WDR5: variants seen among roughly 807,000 people sequenced by gnomAD.
The protein encoded by WDR5 is WD repeat domain 5, also known as WD repeat-containing protein 5.
For missense variants in WDR5, 187 were observed against 416.9 expected, an observed-to-expected ratio of 0.45 and a Z score of 4.80; for synonymous variants, 144 against 161.6, an observed-to-expected ratio of 0.89 and a Z score of 0.83.
At chr9:134,141,388 C>T in intron 3 of WDR5, 122 bp from the exon 4 acceptor site, 2 of 913,880 alleles carry the variant, frequency 2.2e-6, no homozygotes, top group Non-Finnish European at 1.7e-6. Context: ...TGAATGGGTT[C>T]TGAGCCATGT....
At position 134,155,656 on chromosome 9, in the gene WDR5, C is replaced by T. The variant is rs770935556; in HGVS notation, c.742-37C>T. 8.7e-6 allele frequency: 14 copies of T among 1,601,710 alleles called. No homozygotes were observed. The East Asian group carries it at 2.9e-4, about 33-fold the overall frequency. ...AGAATTACACAAAATCAAGGGGAAC[C>T]ATGACTCTGTGACCAGCCTGTCCCC... On this transcript the variant is annotated intron_variant, in intron 11 of 13. Coordinates refer to ENST00000358625, the MANE Select transcript of WDR5 (RefSeq NM_017588.3).
chr9:134,154,557 G>GA lies in WDR5; in HGVS notation c.707+17dup, dbSNP rs769058875. The GA allele has an allele frequency of 6.2e-7, 1 of 1,613,796 alleles. No individual in the cohort carries two copies. Among genetic ancestry groups the GA allele is most frequent in the African/African-American group, 1.3e-5 (1 of 75,046 alleles). On this transcript the variant is annotated intron_variant, in intron 10 of 13. Transcript: ENST00000358625. ...CGCTGGACAAGTGAGTACTGCGTGGGACTGTGGGGGCGGGCATGTGGCCTC... is the reference window on the plus strand; with the variant it reads ...CGCTGGACAAGTGAGTACTGCGTGGGAACTGTGGGGGCGGGCATGTGGCCTC...
intron 12 of WDR5, 149 bp downstream of exon 12, chr9:134,155,916 A>G: frequency 1.4e-6 from 1 of 723,196 alleles, no homozygotes; most frequent in Non-Finnish European, 2.3e-6. Context: ...TGCGCCAAGT[A>G]CCGGGGACAC....
In WDR5 at chr9:134,157,829, TGGGATGGCGTCCCCGACCCAGGCGCA is replaced by T; in HGVS notation, c.905-55_905-30del. The T allele has an allele frequency of 6.6e-7, 1 of 1,521,112 alleles. No homozygotes were observed. The allele number at this position is 1,521,112 out of a possible 1,614,324, so 94.2% of individuals were successfully genotyped here. A position where few individuals can be genotyped will look rare whatever the true frequency, so the allele number is the denominator to read the frequency against. On this transcript the variant is annotated intron_variant, in intron 13 of 13. Transcript: ENST00000358625. The surrounding 1 kb of genome is among the most constrained non-coding windows in gnomAD (Gnocchi z 5.0). Reference sequence around the variant, plus strand: ...TTCTGGAGAAAGGTGGAGCTCAGTCTGGGATGGCGTCCCCGACCCAGGCGCAGGGATGGCTCTGGTTCTGACTGTGT... The same window carrying T: ...TTCTGGAGAAAGGTGGAGCTCAGTCTGGGATGGCTCTGGTTCTGACTGTGT...
intron 1 of WDR5, among the ~76,000 whole-genome samples, chr9:134,137,016 C>T (rs1193927826): frequency 6.6e-6 from 1 of 152,216 alleles, no homozygotes; most frequent in Non-Finnish European, 1.5e-5. Context: ...GTCCCCACCT[C>T]TGTTGGGCCG....
chr9:134,159,106 C>G lies in WDR5; in HGVS notation c.*1113C>G, dbSNP rs1348329419. ...TGCTGGAGCCCTCGCCTGCCTGCCC[C>G]TCTGCCTGTGCTCCTGGCAGTGTGG... On this transcript the variant is annotated 3_prime_UTR_variant, in exon 14 of 14. Transcript: ENST00000358625. This position sits in a 1 kb window ranked among gnomAD's most constrained non-coding sequence, Gnocchi z 4.3. 1 of 144,678 alleles carries G rather than the reference C, an allele frequency of 6.9e-6. No individual in the cohort carries two copies. Among genetic ancestry groups the G allele is most frequent in the Admixed American group, 6.7e-5 (1 of 14,872 alleles). 9.0% of individuals were successfully genotyped at this position (144,678 alleles called of 1,614,324 possible).
At chr9:134,150,825 C>T (rs1832452403) in intron 8 of WDR5, among the ~76,000 whole-genome samples, 1 of 151,812 alleles carries the variant, frequency 6.6e-6, no homozygotes, top group African/African-American at 2.4e-5. Flanking sequence ...GTGGTGTGAT[C>T]TCGCGTTTAG....
chr9:134,137,258 A>G (rs962751457), intron 1 of WDR5, among the ~76,000 whole-genome samples: 3 of 152,052 alleles, frequency 2.0e-5, no homozygotes, highest in African/African-American at 7.2e-5. Flanking sequence ...GCCAGGCAGC[A>G]TCTGGTCTAG....
intron 9 of WDR5, among the ~76,000 whole-genome samples, 155 bp from the exon 10 acceptor site, chr9:134,154,311 C>T (rs1488465235): frequency 6.6e-6 from 1 of 152,130 alleles, no homozygotes; most frequent in Non-Finnish European, 1.5e-5. Context: ...GGCTAGGCCA[C>T]CCTTCGGGGC....
At chr9:134,155,847 A>C in intron 12 of WDR5, 80 bp downstream of exon 12, 2 of 1,317,982 alleles carry the variant, frequency 1.5e-6, no homozygotes, top group South Asian at 1.3e-5. Context: ...AGGTTGCTTT[A>C]TACTCAGAGA....
upstream of WDR5, chr9:134,135,972 C>G (rs1453277404): frequency 1.3e-5 from 2 of 152,044 alleles, no homozygotes; most frequent in Non-Finnish European, 2.9e-5. Context: ...TGGGCCGGCC[C>G]GAGGCATTCT....
chr9:134,158,252 C>A lies in WDR5; in HGVS notation c.*259C>A. On this transcript the variant is annotated 3_prime_UTR_variant, in exon 14 of 14. Transcript: ENST00000358625. ...CTAGTCTATTGTGTTCAAACAGAGTCAACAAAAGTTTTTAATTTTTTATTA... is the reference window on the plus strand; with the variant it reads ...CTAGTCTATTGTGTTCAAACAGAGTAAACAAAAGTTTTTAATTTTTTATTA... 3.0e-6 allele frequency: 1 copy of A among 330,922 alleles called. No homozygotes were observed. The highest frequency in any genetic ancestry group is 5.5e-6 in the Non-Finnish European group (1 of 181,436). The allele number at this position is 330,922 out of a possible 1,614,324, so 20.5% of individuals were successfully genotyped here. A position where few individuals can be genotyped will look rare whatever the true frequency, so the allele number is the denominator to read the frequency against.
In WDR5 at chr9:134,139,974, C is replaced by T; in HGVS notation, c.81+16C>T. 1 of 1,613,588 alleles carries T rather than the reference C, an allele frequency of 6.2e-7. No individual in the cohort carries two copies. The stretch of plus-strand genomic sequence containing the variant: ...TCAGAGCAAGGTGCGTGCCCAGGGG[C>T]CCCTTGGACACCTTCCGGGGGCAAA... On this transcript the variant is annotated intron_variant, in intron 2 of 13. Transcript: ENST00000358625.
chr9:134,147,259 G>A (rs1029353570), intron 7 of WDR5, among the ~76,000 whole-genome samples: 8 of 152,222 alleles, frequency 5.3e-5, no homozygotes, highest in Non-Finnish European at 8.8e-5. Context: ...TTCTCTGGGC[G>A]TGCAGCAGCA....
At chr9:134,151,592 C>A (rs1832490202) in intron 8 of WDR5, among the ~76,000 whole-genome samples, 1 of 152,220 alleles carries the variant, frequency 6.6e-6, no homozygotes. Context: ...GAAGCCCTCT[C>A]ATTGCTTGCA....
chr9:134,142,822 T>TG, intron 7 of WDR5, 103 bp downstream of exon 7: 1 of 1,168,878 alleles, frequency 8.6e-7, no homozygotes, highest in Non-Finnish European at 1.3e-6. Flanking sequence ...GGCCATGGCC[T>TG]GTGCCTAGCT....
Position 134,158,021 on chromosome 9 carries a change from T to C in WDR5, c.*28T>C. ...CCCTTTGCTCCTGCCCGCGAGAGAC[T>C]GTCGGGAAGTTGACCCGGATTGGCA... On this transcript the variant is annotated 3_prime_UTR_variant, in exon 14 of 14. Transcript: ENST00000358625. The C allele has an allele frequency of 6.2e-7, 1 of 1,606,442 alleles. No homozygotes were observed. Among genetic ancestry groups the C allele is most frequent in the Non-Finnish European group, 8.5e-7 (1 of 1,173,272 alleles).
intron 7 of WDR5, among the ~76,000 whole-genome samples, chr9:134,145,038 C>T (rs903652845): frequency 1.3e-5 from 2 of 151,620 alleles, no homozygotes; most frequent in South Asian, 2.1e-4. Flanking sequence ...GTAGCTGTCT[C>T]CACTCCACAG....
intron 3 of WDR5, 111 bp from the exon 4 acceptor site, chr9:134,141,398 TG>T: frequency 1.0e-6 from 1 of 997,098 alleles, no homozygotes; most frequent in Non-Finnish European, 1.6e-6. Context: ...CTGAGCCATG[TG>T]GTTCATGCTG....
Sources: gnomAD v4.1 joint callset for allele counts (sites outside exome capture counted in the v4.1 genomes callset) on GRCh38, gnomAD v4.1.1 for gene constraint, Gnocchi (gnomAD v3.1) non-coding constraint, MANE v1.5 for transcripts, NCBI Gene and HGNC (gene_info 2026-07-23, HGNC 2026-07-21) for gene names.